TRAF3: variants seen among roughly 807,000 people sequenced by gnomAD.
TRAF3 encodes the protein TNF receptor-associated factor 3.
In TRAF3, 13 loss-of-function variants were observed where a neutral mutation model predicts 62.3. The ratio of observed to expected loss-of-function variants is 0.21; its 90% CI spans 0.14 to 0.33. The LOEUF (loss-of-function observed/expected upper bound fraction) is 0.33, where lower values mean the gene tolerates loss of function less well. TRAF3 is among the 10% of genes least tolerant of loss of function. The pLI is 1.00. For missense variants in TRAF3, 440 were observed against 741.8 expected, an observed-to-expected ratio of 0.59 and a Z score of 4.73; for synonymous variants, 269 against 283.4, an observed-to-expected ratio of 0.95 and a Z score of 0.51.
At chr14:102,879,410 A>G (rs139772149) in intron 6 of TRAF3, among the ~76,000 whole-genome samples, 60 of 152,088 alleles carry the variant, frequency 3.9e-4, no homozygotes, top group Admixed American at 1.2e-3. Context: ...GGTGCATGCT[A>G]CCATGCCTGG....
At chr14:102,778,085 C>A (rs1452491794) in intron 1 of TRAF3, among the ~76,000 whole-genome samples, 1 of 150,320 alleles carries the variant, frequency 6.7e-6, no homozygotes, top group Non-Finnish European at 1.5e-5. Flanking sequence ...GGCTGCGTGG[C>A]CGAGCGCGCT....
chr14:102,863,254 C>T (rs533925434), intron 2 of TRAF3, among the ~76,000 whole-genome samples: 2 of 152,316 alleles, frequency 1.3e-5, no homozygotes, highest in African/African-American at 4.8e-5. Context: ...ATTCTTCCTT[C>T]TCCCCCAGGG....
chr14:102,892,745 A>T (rs1889792905), intron 9 of TRAF3, among the ~76,000 whole-genome samples: 1 of 152,250 alleles, frequency 6.6e-6, no homozygotes, highest in Non-Finnish European at 1.5e-5. Context: ...TAAAATTTTA[A>T]ATAGAAAGAT....
rs1333679868 is a variant in TRAF3 at position 102,909,568 on chromosome 14, G to T, written c.*3784G>T. 1 of 152,474 alleles carries T rather than the reference G, an allele frequency of 6.6e-6. No individual in the cohort carries two copies. The highest frequency in any genetic ancestry group is 1.9e-4 in the East Asian group (1 of 5,200). The allele number at this position is 152,474 out of a possible 1,614,324, so 9.4% of individuals were successfully genotyped here. A position where few individuals can be genotyped will look rare whatever the true frequency, so the allele number is the denominator to read the frequency against. On this transcript the variant is annotated 3_prime_UTR_variant, in exon 12 of 12. Coordinates refer to ENST00000392745, the MANE Select transcript of TRAF3 (RefSeq NM_145725.3). ...TGTGGCGCTGGGGAGCCATGGTGTG[G>T]CATACTGGGGCTCCTGCTCCTTGGG...
intron 2 of TRAF3, among the ~76,000 whole-genome samples, chr14:102,833,078 T>G (rs1885747213): frequency 6.6e-6 from 1 of 152,212 alleles, no homozygotes; most frequent in Non-Finnish European, 1.5e-5. Context: ...TTTGGTACTT[T>G]TCGTCTCACA....
intron 6 of TRAF3, 90 bp downstream of exon 6, chr14:102,876,615 C>G (rs1323105069): frequency 6.6e-6 from 10 of 1,518,258 alleles, no homozygotes; most frequent in Non-Finnish European, 9.0e-6. Context: ...ATAATCCGTT[C>G]CACAGGCCTT....
chr14:102,783,144 G>T (rs2140057323), intron 1 of TRAF3, among the ~76,000 whole-genome samples: 1 of 152,320 alleles, frequency 6.6e-6, no homozygotes, highest in East Asian at 1.9e-4. Context: ...GATTCTGCAA[G>T]CCGGGGAGAC....
At chr14:102,866,038 T>C (rs189635942) in intron 2 of TRAF3, 2 of 152,272 alleles carry the variant, frequency 1.3e-5, no homozygotes, top group African/African-American at 2.4e-5. Flanking sequence ...CAAATGCCCA[T>C]CAGTGATAGA....
rs752922791 is a variant in TRAF3, at chr14:102,846,638, TAAAAAAA to T, written c.-18+16188_-18+16194del. Among the ~76,000 whole-genome samples the T allele has an allele frequency of 8.5e-3, 610 of 71,744 alleles. 8 individuals carry two copies. Among genetic ancestry groups the T allele is most frequent in the Admixed American group, 0.023 (130 of 5,542 alleles). 47.1% of individuals were successfully genotyped at this position (71,744 alleles called of 152,430 possible). On this transcript the variant is annotated intron_variant, in intron 2 of 11. Transcript: ENST00000392745. The stretch of plus-strand genomic sequence containing the variant: ...GGCAACACAGGGAGATCCAGCTTCT[TAAAAAAA>T]AAAAAAAAAAAAAAAAAAAAATTTT...
intron 1 of TRAF3, among the ~76,000 whole-genome samples, chr14:102,816,490 T>C (rs1899531625): frequency 6.6e-6 from 1 of 152,224 alleles, no homozygotes; most frequent in Admixed American, 6.5e-5. Context: ...TAATAATTTT[T>C]GATAATATTA....
intron 6 of TRAF3, among the ~76,000 whole-genome samples, chr14:102,883,232 A>G (rs1889168731): frequency 6.6e-6 from 1 of 152,188 alleles, no homozygotes; most frequent in Admixed American, 6.5e-5. Flanking sequence ...CGACAAGGAG[A>G]TGTGTCATAC....
intron 1 of TRAF3, among the ~76,000 whole-genome samples, chr14:102,803,252 G>A (rs1898553357): frequency 6.6e-6 from 1 of 152,174 alleles, no homozygotes; most frequent in Non-Finnish European, 1.5e-5. Flanking sequence ...TGAAGGACTT[G>A]TGTTCCTTAG....
In TRAF3 at chr14:102,899,955, G is replaced by A. The variant is rs188191073; in HGVS notation, c.960+2554G>A. ...AGCACTTTGGGAGGCCGAGGCGGGCGGATCATGAGGTCAGGAGATCGAGAC... is the reference window on the plus strand; with the variant it reads ...AGCACTTTGGGAGGCCGAGGCGGGCAGATCATGAGGTCAGGAGATCGAGAC... On this transcript the variant is annotated intron_variant, in intron 10 of 11. Coordinates refer to ENST00000392745, the MANE Select transcript of TRAF3 (RefSeq NM_145725.3). Among the ~76,000 whole-genome samples the A allele has an allele frequency of 2.6e-3, 394 of 152,054 alleles. 3 individuals are homozygous for A. The highest frequency in any genetic ancestry group is 8.9e-3 in the African/African-American group (370 of 41,476).
At chr14:102,781,047 T>C (rs1595272467) in intron 1 of TRAF3, among the ~76,000 whole-genome samples, 1 of 152,290 alleles carries the variant, frequency 6.6e-6, no homozygotes, top group South Asian at 2.1e-4. Context: ...TAGTGGATTG[T>C]GTAGAATTCT....
chr14:102,814,347 A>G (rs1899384353), intron 1 of TRAF3, among the ~76,000 whole-genome samples: 1 of 152,050 alleles, frequency 6.6e-6, no homozygotes, highest in African/African-American at 2.4e-5. Flanking sequence ...ACAGCTTTGT[A>G]GTATATTTTA....
At chr14:102,846,638 T>TAAAAAAAAA (rs752922791) in intron 2 of TRAF3, among the ~76,000 whole-genome samples, 26 of 71,746 alleles carry the variant, frequency 3.6e-4, no homozygotes, top group African/African-American at 6.9e-4. Context: ...TCCAGCTTCT[T>TAAAAAAAAA]AAAAAAAAAA....
intron 1 of TRAF3, among the ~76,000 whole-genome samples, chr14:102,785,840 G>A (rs753324545): frequency 3.3e-5 from 5 of 152,226 alleles, no homozygotes; most frequent in Non-Finnish European, 5.9e-5. Context: ...AATGCAGCCA[G>A]ACACTGAGGC....
intron 10 of TRAF3, among the ~76,000 whole-genome samples, chr14:102,899,504 G>A (rs1192895285): frequency 6.6e-6 from 1 of 152,096 alleles, no homozygotes; most frequent in African/African-American, 2.4e-5. Context: ...TCCCAGCTTC[G>A]CCCCACTCCC....
At position 102,886,285 on chromosome 14, in the gene TRAF3, C is replaced by G. The variant is rs1889381514; in HGVS notation, c.651+16C>G. On this transcript the variant is annotated intron_variant, in intron 7 of 11. Transcript: ENST00000392745. ...GAGGAGCGAGGTAGGGGCGGCCGGG[C>G]CCGGCCGGGAGTCTGTGGAGTCCTC... The G allele has an allele frequency of 1.2e-6, 2 of 1,600,918 alleles. No individual in the cohort carries two copies. Among genetic ancestry groups the G allele is most frequent in the Non-Finnish European group, 1.7e-6 (2 of 1,176,080 alleles).
Sources: allele counts gnomAD v4.1 joint callset (sites outside exome capture counted in the v4.1 genomes callset), GRCh38; gene constraint gnomAD v4.1.1; transcripts MANE v1.5; gene names NCBI Gene and HGNC (gene_info 2026-07-23, HGNC 2026-07-21).